The following TDRD1 variants were observed in gnomAD, a reference collection of about 807,000 sequenced individuals.
TDRD1 encodes tudor domain-containing protein 1.
Under a neutral mutation model 140.6 loss-of-function variants are expected in TDRD1, and 37 were observed. The observed-to-expected ratio is 0.26, with a 90% CI of 0.20 to 0.35. The LOEUF (loss-of-function observed/expected upper bound fraction) is 0.35, where lower values mean the gene tolerates loss of function less well. Among genes scored for constraint, TDRD1 ranks in the 10% least tolerant of loss-of-function variants. The pLI is 1.00. For synonymous variants in TDRD1, 506 were observed against 475.7 expected, an observed-to-expected ratio of 1.06 and a Z score of -0.83; for missense variants, 1,243 against 1,393.0, an observed-to-expected ratio of 0.89 and a Z score of 1.71.
upstream of TDRD1, among the ~76,000 whole-genome samples, chr10:114,178,953 G>A (rs2032799325): frequency 6.6e-6 from 1 of 151,544 alleles, no homozygotes; most frequent in African/African-American, 2.4e-5. Context: ...AGGAAGCAAA[G>A]AAAAAAAGTA....
At chr10:114,193,352 C>G (rs1021959874) in intron 3 of TDRD1, among the ~76,000 whole-genome samples, 1 of 134,632 alleles carries the variant, frequency 7.4e-6, no homozygotes, top group Non-Finnish European at 1.5e-5. Context: ...GACTGCAGGG[C>G]TGCTATCTTG....
chr10:114,192,527 C>G (rs1348313362), intron 3 of TDRD1, among the ~76,000 whole-genome samples: 2 of 151,914 alleles, frequency 1.3e-5, no homozygotes, highest in African/African-American at 4.8e-5. Flanking sequence ...AGGATGGTCT[C>G]CATCTCCTGA....
intron 3 of TDRD1, among the ~76,000 whole-genome samples, chr10:114,196,173 C>G (rs2034333106): frequency 6.6e-6 from 1 of 152,178 alleles, no homozygotes; most frequent in Admixed American, 6.5e-5. Flanking sequence ...GTCTCGAACT[C>G]CTGAGCTCAG....
intron 3 of TDRD1, among the ~76,000 whole-genome samples, chr10:114,193,610 A>G (rs1022034476): frequency 3.3e-5 from 5 of 152,172 alleles, no homozygotes; most frequent in African/African-American, 9.6e-5. Context: ...AGTCCTTTTA[A>G]GATCCCTTGC....
intron 11 of TDRD1, among the ~76,000 whole-genome samples, chr10:114,208,868 G>A (rs1428998347): frequency 1.3e-5 from 2 of 151,506 alleles, no homozygotes; most frequent in African/African-American, 2.4e-5. Context: ...CCGCCTCCTA[G>A]GTTCAAGTGA....
At chr10:114,202,119 G>T in intron 5 of TDRD1, 119 bp from the exon 6 acceptor site, 1 of 718,368 alleles carries the variant, frequency 1.4e-6, no homozygotes, top group Middle Eastern at 2.5e-4. Context: ...TGTGATTCTG[G>T]AAGAAGCTGT....
chr10:114,228,293 T>G (rs1589721607), intron 25 of TDRD1: 1 of 1,396,434 alleles, frequency 7.2e-7, no homozygotes, highest in African/African-American at 1.5e-5. Context: ...TTTTTGTAGG[T>G]TTATCTGATC....
chr10:114,229,639 C>T (rs1269085338), intron 25 of TDRD1, among the ~76,000 whole-genome samples: 8 of 148,788 alleles, frequency 5.4e-5, no homozygotes, highest in African/African-American at 1.7e-4. Flanking sequence ...AGCTCCACCT[C>T]CCAGGTTCAC....
intron 2 of TDRD1, 66 bp from the exon 3 acceptor site, chr10:114,190,894 AT>A: frequency 6.7e-7 from 1 of 1,497,176 alleles, no homozygotes; most frequent in Non-Finnish European, 9.3e-7. Context: ...TAATTACACT[AT>A]TTTTCATTAT....
At chr10:114,188,798 G>A (rs1398750155) in intron 2 of TDRD1, among the ~76,000 whole-genome samples, 1 of 151,398 alleles carries the variant, frequency 6.6e-6, no homozygotes, top group Non-Finnish European at 1.5e-5. Flanking sequence ...CAGAGGTTGC[G>A]GTGAGCTGAC....
intron 16 of TDRD1, among the ~76,000 whole-genome samples, chr10:114,214,808 GCTCACTGCAACC>G (rs1438477338): frequency 6.6e-6 from 1 of 151,438 alleles, no homozygotes; most frequent in East Asian, 1.9e-4. Context: ...CACAGTGTAG[GCTCACTGCAACC>G]TCTGCCTCCC....
At chr10:114,204,635 T>C in intron 9 of TDRD1, 87 bp from the exon 10 acceptor site, 4 of 1,323,936 alleles carry the variant, frequency 3.0e-6, no homozygotes, top group Non-Finnish European at 4.1e-6. Flanking sequence ...GTTTTCAGCA[T>C]GAAATACATT....
intron 4 of TDRD1, among the ~76,000 whole-genome samples, chr10:114,200,913 T>C (rs2132947412): frequency 7.1e-6 from 1 of 140,536 alleles, no homozygotes; most frequent in East Asian, 2.1e-4. Flanking sequence ...TGGAGTGCAG[T>C]GGTACAATCT....
intron 2 of TDRD1, among the ~76,000 whole-genome samples, chr10:114,189,224 G>C (rs1304461525): frequency 6.6e-6 from 1 of 152,204 alleles, no homozygotes. Context: ...GTTAAATCTT[G>C]ATCATTGTGT....
intron 1 of TDRD1, among the ~76,000 whole-genome samples, chr10:114,182,432 G>C (rs1490088679): frequency 6.6e-6 from 1 of 152,146 alleles, no homozygotes; most frequent in Non-Finnish European, 1.5e-5. Context: ...CTCTTTATTT[G>C]CTACTTAAAC....
At chr10:114,197,135 TG>T (rs1410294642) in intron 3 of TDRD1, among the ~76,000 whole-genome samples, 3 of 152,086 alleles carry the variant, frequency 2.0e-5, no homozygotes, top group African/African-American at 7.2e-5. Context: ...CGTGAGCCAC[TG>T]TGCCTGGCCT....
chr10:114,202,890 T>C (rs1564946666), intron 6 of TDRD1, among the ~76,000 whole-genome samples, 182 bp from the exon 7 acceptor site: 1 of 152,264 alleles, frequency 6.6e-6, no homozygotes, highest in Non-Finnish European at 1.5e-5. Context: ...TTCCCAGTGC[T>C]GTGCCCACTG....
At chr10:114,181,872 A>G (rs1039905318) in intron 1 of TDRD1, among the ~76,000 whole-genome samples, 3 of 152,056 alleles carry the variant, frequency 2.0e-5, no homozygotes, top group Admixed American at 1.3e-4. Flanking sequence ...ATTCACCCTT[A>G]AAAGCCTATT....
intron 1 of TDRD1, 34 bp from the exon 2 acceptor site, chr10:114,187,792 A>G (rs2120157156): frequency 1.3e-6 from 2 of 1,499,998 alleles, no homozygotes; most frequent in East Asian, 4.6e-5. Flanking sequence ...TTTTGAAATT[A>G]AAAGTTGTCT....
Sources: allele counts gnomAD v4.1 joint callset (sites outside exome capture counted in the v4.1 genomes callset), GRCh38; gene constraint gnomAD v4.1.1; transcripts MANE v1.5; gene names NCBI Gene and HGNC (gene_info 2026-07-23, HGNC 2026-07-21).